TLE1: variants seen among roughly 807,000 people sequenced by gnomAD.
TLE1 encodes transducin-like enhancer protein 1.
A neutral mutation model predicts 89.8 loss-of-function variants in TLE1; 21 were observed. That is an observed-to-expected ratio of 0.23 (90% CI 0.17 to 0.34). The LOEUF (loss-of-function observed/expected upper bound fraction) is 0.34, where lower values mean the gene tolerates loss of function less well. Ranked by LOEUF, TLE1 falls within the 10% of genes least tolerant of loss-of-function variation. The pLI, the probability that TLE1 is intolerant of heterozygous loss-of-function variation, is 1.00. For missense variants in TLE1, 795 were observed against 1,031.2 expected (o/e 0.77, Z 3.14); for synonymous variants, 447 against 407.6 (o/e 1.10, Z -1.16).
chr9:81,655,693 G>C (rs1044289382), intron 4 of TLE1, among the ~76,000 whole-genome samples: 4 of 151,826 alleles, frequency 2.6e-5, no homozygotes, highest in Non-Finnish European at 5.9e-5. Context: ...GCAATGAAAA[G>C]GATCACAAGA....
At chr9:81,680,326 G>A (rs1161734791) in intron 4 of TLE1, among the ~76,000 whole-genome samples, 1 of 152,180 alleles carries the variant, frequency 6.6e-6, no homozygotes, top group Non-Finnish European at 1.5e-5. Context: ...AAGGCAGAAA[G>A]AGGGGGAGGC....
At chr9:81,666,513 ACACCTGTAATCCCAG>A (rs1831478884) in intron 4 of TLE1, among the ~76,000 whole-genome samples, 1 of 152,118 alleles carries the variant, frequency 6.6e-6, no homozygotes. Context: ...GCGGTGGCTC[ACACCTGTAATCCCAG>A]CATTCTGGGA....
chr9:81,591,163 C>T (rs1014625912), intron 15 of TLE1, 111 bp from the exon 16 acceptor site: 5 of 1,406,728 alleles, frequency 3.6e-6, no homozygotes, highest in East Asian at 4.6e-5. Flanking sequence ...TTCATGGACA[C>T]TCTAACAGAG....
At chr9:81,667,815 A>G (rs1257699685) in intron 4 of TLE1, among the ~76,000 whole-genome samples, 1 of 152,106 alleles carries the variant, frequency 6.6e-6, no homozygotes, top group Non-Finnish European at 1.5e-5. Context: ...TTTTTAATCA[A>G]TATCACATGC....
At chr9:81,676,908 T>TATACAACAGTGTA (rs1390900899) in intron 4 of TLE1, among the ~76,000 whole-genome samples, 1 of 152,250 alleles carries the variant, frequency 6.6e-6, no homozygotes, top group Non-Finnish European at 1.5e-5. Context: ...ATTTTAAATG[T>TATACAACAGTGTA]ATACAACAGT....
intron 6 of TLE1, among the ~76,000 whole-genome samples, chr9:81,635,894 A>T (rs1479494724): frequency 6.6e-6 from 1 of 152,128 alleles, no homozygotes; most frequent in African/African-American, 2.4e-5. Context: ...GTGGCTCACT[A>T]TAATCCTATA....
At chr9:81,587,656 G>T in intron 17 of TLE1, 25 bp downstream of exon 17, 1 of 1,596,076 alleles carries the variant, frequency 6.3e-7, no homozygotes, top group Non-Finnish European at 8.5e-7. Context: ...CCAGACTCCA[G>T]GGCAGGCGGA....
chr9:81,595,545 G>A (rs116907724), intron 14 of TLE1, among the ~76,000 whole-genome samples: 10,464 of 152,192 alleles, frequency 0.069, 412 homozygotes, highest in Middle Eastern at 0.17. Context: ...GAGGCTGGGC[G>A]CGGTGGCTCA....
chr9:81,625,156 TAAG>T (rs1825752442), intron 8 of TLE1, among the ~76,000 whole-genome samples: 1 of 152,116 alleles, frequency 6.6e-6, no homozygotes, highest in Admixed American at 6.5e-5. Flanking sequence ...ATATACTCCA[TAAG>T]AAGGGACTGG....
At chr9:81,664,852 G>T (rs1230385093) in intron 4 of TLE1, among the ~76,000 whole-genome samples, 2 of 152,200 alleles carry the variant, frequency 1.3e-5, no homozygotes, top group Non-Finnish European at 2.9e-5. Context: ...CGGAGTTCCT[G>T]TTGGAGTCTA....
chr9:81,586,713 C>T (rs1031442246), intron 17 of TLE1, among the ~76,000 whole-genome samples: 3 of 152,104 alleles, frequency 2.0e-5, no homozygotes, highest in African/African-American at 7.2e-5. Context: ...ATTTATTGTA[C>T]AATTCTCTGT....
chr9:81,594,928 A>G (rs1226710693), intron 14 of TLE1, among the ~76,000 whole-genome samples: 1 of 152,234 alleles, frequency 6.6e-6, no homozygotes, highest in Non-Finnish European at 1.5e-5. Context: ...AAAGCAAAAT[A>G]TCAGACACAT....
In TLE1 at chr9:81,590,922, G is replaced by A. The variant is rs201873489; in HGVS notation, c.1712C>T (p.Thr571Met). 15 of 1,614,276 alleles carry A rather than the reference G, an allele frequency of 9.3e-6. No individual in the cohort carries two copies. The highest frequency in any genetic ancestry group is 1.2e-5 in the Non-Finnish European group (14 of 1,180,050). The change falls in exon 16 of 20, where the codon ACG becomes ATG. Residue 571 changes from threonine (T) to methionine (M), a missense_variant. Physicochemically the swap from Thr to Met is moderately conservative, Grantham distance 81. Coordinates refer to ENST00000376499, the MANE Select transcript of TLE1 (RefSeq NM_005077.5). Reference sequence around the variant, plus strand: ...GGCGTAGCAGGCGGGGGCCGAGGACGTCAGCTCCGCCTTGATGCGCGGGGT... The same window carrying A: ...GGCGTAGCAGGCGGGGGCCGAGGACATCAGCTCCGCCTTGATGCGCGGGGT... Reference protein sequence around the residue: ...APTPRIKAELTSSAPACYALA... With the variant: ...APTPRIKAELMSSAPACYALA...
chr9:81,584,773 A>G (rs934455817), intron 18 of TLE1, among the ~76,000 whole-genome samples: 2 of 152,150 alleles, frequency 1.3e-5, no homozygotes, highest in Admixed American at 6.6e-5. Flanking sequence ...CATATCCAAC[A>G]CACGGTAACC....
At chr9:81,632,985 T>C (rs1022647927) in intron 8 of TLE1, among the ~76,000 whole-genome samples, 1 of 152,196 alleles carries the variant, frequency 6.6e-6, no homozygotes, top group Non-Finnish European at 1.5e-5. Flanking sequence ...TGAATATTCT[T>C]TTAAACTACA....
chr9:81,584,083 T>C lies in TLE1; in HGVS notation c.*115A>G. ...ACTCAAAGTAGTTTTCTGTCAAGGT[T>C]TGGAAACAGGTGTTTGTAATTTTTT... is the stretch of plus-strand genomic sequence containing the variant. On this transcript the variant is annotated 3_prime_UTR_variant, in exon 20 of 20. Transcript: ENST00000376499. 4.5e-6 allele frequency: 4 copies of C among 898,854 alleles called. No homozygotes were observed. The allele number at this position is 898,854 out of a possible 1,614,324, so 55.7% of individuals were successfully genotyped here.
intron 17 of TLE1, among the ~76,000 whole-genome samples, chr9:81,586,743 C>T (rs1444595740): frequency 6.6e-6 from 1 of 152,046 alleles, no homozygotes; most frequent in Non-Finnish European, 1.5e-5. Context: ...AATGCTTGGA[C>T]ATTTGCTGTA....
In TLE1 at chr9:81,617,133, C is replaced by CA. The variant is rs56692367; in HGVS notation, c.712-435dup. Among the ~76,000 whole-genome samples, 1,229 of 124,114 alleles carry CA rather than the reference C, an allele frequency of 9.9e-3. 13 individuals carry two copies. The highest frequency in any genetic ancestry group is 0.018 in the South Asian group (64 of 3,636). The allele number at this position is 124,114 out of a possible 152,430, so 81.4% of individuals were successfully genotyped here. Reference sequence around the variant, plus strand: ...TTTCCCATGGGATTACTAGTTAATGCAAAAAAAAAAAAAAAAAAGAATCCT... The same window carrying CA: ...TTTCCCATGGGATTACTAGTTAATGCAAAAAAAAAAAAAAAAAAAGAATCCT... On this transcript the variant is annotated intron_variant, in intron 9 of 19. Coordinates refer to ENST00000376499, the MANE Select transcript of TLE1 (RefSeq NM_005077.5).
intron 14 of TLE1, among the ~76,000 whole-genome samples, chr9:81,597,741 T>A (rs76512220): frequency 0.094 from 14,270 of 152,172 alleles, 855 homozygotes; most frequent in Non-Finnish European, 0.14. Context: ...ATGTAAAACA[T>A]GAATGATATA....
Sources: allele counts gnomAD v4.1 joint callset (sites outside exome capture counted in the v4.1 genomes callset), GRCh38; gene constraint gnomAD v4.1.1; transcripts MANE v1.5; gene names NCBI Gene and HGNC (gene_info 2026-07-23, HGNC 2026-07-21).